Variants in SUFU observed in about 807,000 individuals in gnomAD.
SUFU encodes the protein SUFU negative regulator of hedgehog signaling, also known as suppressor of fused homolog.
In SUFU, 7 loss-of-function variants were observed where a neutral mutation model predicts 58.9. The observed-to-expected ratio is 0.12, with a 90% CI of 0.07 to 0.22. SUFU has a LOEUF of 0.22. Among genes scored for constraint, SUFU ranks in the 10% least tolerant of loss-of-function variants. SUFU has a pLI of 1.00. For synonymous variants in SUFU, 232 were observed against 254.8 expected (o/e 0.91, Z 0.85); for missense variants, 451 against 641.3 (o/e 0.70, Z 3.20).
At position 102,577,767 on chromosome 10, in the gene SUFU, G is replaced by A. The variant is rs191644107; in HGVS notation, c.455-14815G>A. Among the ~76,000 whole-genome samples, 433 of 145,312 alleles carry A rather than the reference G, an allele frequency of 3.0e-3. 4 individuals carry two copies. The highest frequency in any genetic ancestry group is 0.01 in the African/African-American group (416 of 39,684). ...ACGATCCCGGCTCACTGCAAGCTCC[G>A]CCTCCCGGATTCACGCCATTCTCCT... is the stretch of plus-strand genomic sequence containing the variant. On this transcript the variant is annotated intron_variant, in intron 3 of 11. Transcript: ENST00000369902.
At chr10:102,612,148 A>G (rs1465377084) in intron 8 of SUFU, among the ~76,000 whole-genome samples, 1 of 151,836 alleles carries the variant, frequency 6.6e-6, no homozygotes, top group Non-Finnish European at 1.5e-5. Context: ...AGAAGAAACA[A>G]ATCAGCAGAA....
At chr10:102,588,937 T>A (rs35879747) in intron 3 of SUFU, among the ~76,000 whole-genome samples, 26,701 of 152,190 alleles carry the variant, frequency 0.18, 2,941 homozygotes, top group Middle Eastern at 0.28. Flanking sequence ...TTATTTATTT[T>A]TTTGAGACAC....
At position 102,599,267 on chromosome 10, in the gene SUFU, G is replaced by A. The variant is rs1465630928; in HGVS notation, c.911-166G>A. Reference sequence around the variant, plus strand: ...TTCTTAAGAGCGCGGTTGTCCCCTCGCAATCTGTACTCACTCAGCGCTTAC... The same window carrying A: ...TTCTTAAGAGCGCGGTTGTCCCCTCACAATCTGTACTCACTCAGCGCTTAC... On this transcript the variant is annotated intron_variant, in intron 7 of 11. Transcript: ENST00000369902. Among the ~76,000 whole-genome samples, 5 of 152,164 alleles carry A rather than the reference G, an allele frequency of 3.3e-5. No homozygotes were observed. In the East Asian group the frequency reaches 7.7e-4, roughly 23 times the overall value.
At chr10:102,567,220 C>G (rs909085756) in intron 3 of SUFU, among the ~76,000 whole-genome samples, 3 of 151,538 alleles carry the variant, frequency 2.0e-5, no homozygotes, top group African/African-American at 7.3e-5. Context: ...ACTGTGTTAG[C>G]CAGGAGGGTC....
intron 7 of SUFU, among the ~76,000 whole-genome samples, chr10:102,598,403 G>A (rs1399444887): frequency 5.3e-5 from 8 of 152,090 alleles, no homozygotes; most frequent in Non-Finnish European, 8.8e-5. Flanking sequence ...CAATCCACCC[G>A]CCTCAGCCTC....
At chr10:102,611,373 A>G (rs1403414689) in intron 8 of SUFU, among the ~76,000 whole-genome samples, 1 of 152,170 alleles carries the variant, frequency 6.6e-6, no homozygotes, top group Non-Finnish European at 1.5e-5. Flanking sequence ...CCCTCAGTAG[A>G]GCAAAGGCCT....
At chr10:102,531,932 C>T (rs1277334997) in intron 2 of SUFU, among the ~76,000 whole-genome samples, 2 of 151,438 alleles carry the variant, frequency 1.3e-5, no homozygotes, top group Non-Finnish European at 1.5e-5. Flanking sequence ...CCTCACTCTC[C>T]TCCCTTCTGC....
intron 2 of SUFU, among the ~76,000 whole-genome samples, chr10:102,519,620 T>A (rs769961726): frequency 2.6e-5 from 4 of 152,034 alleles, no homozygotes; most frequent in African/African-American, 4.8e-5. Flanking sequence ...CATAAAAATT[T>A]CTGGCTTAGA....
At position 102,559,468 on chromosome 10, in the gene SUFU, C is replaced by T. The variant is rs74632089; in HGVS notation, c.454+9362C>T. On this transcript the variant is annotated intron_variant, in intron 3 of 11. Coordinates refer to ENST00000369902, the MANE Select transcript of SUFU (RefSeq NM_016169.4). ...GAAGAGAATGTTCCAGTCACGAGGA[C>T]AGGATGGCTGTCATTTCACCTGCTA... Among the ~76,000 whole-genome samples the T allele has an allele frequency of 4.1e-4, 62 of 152,320 alleles. 2 individuals carry two copies. The East Asian group carries it at 9.8e-3, about 24-fold the overall frequency.
intron 3 of SUFU, among the ~76,000 whole-genome samples, chr10:102,582,498 G>A (rs530517915): frequency 6.6e-6 from 1 of 152,232 alleles, no homozygotes; most frequent in South Asian, 2.1e-4. Flanking sequence ...ATGTCAGGGA[G>A]GTGGGGGTGG....
At chr10:102,561,375 G>C (rs1307791103) in intron 3 of SUFU, among the ~76,000 whole-genome samples, 1 of 151,940 alleles carries the variant, frequency 6.6e-6, no homozygotes, top group Non-Finnish European at 1.5e-5. Flanking sequence ...GTTTTTGTTT[G>C]TGTGTTTTGT....
intron 2 of SUFU, among the ~76,000 whole-genome samples, chr10:102,538,643 A>G (rs1026920321): frequency 6.7e-6 from 1 of 149,380 alleles, no homozygotes; most frequent in Non-Finnish European, 1.5e-5. Flanking sequence ...ACACACACAC[A>G]TGTATGCAGC....
At chr10:102,542,567 G>A (rs1293187831) in intron 2 of SUFU, among the ~76,000 whole-genome samples, 2 of 151,572 alleles carry the variant, frequency 1.3e-5, no homozygotes, top group Non-Finnish European at 2.9e-5. Context: ...CAGCCACCAT[G>A]CCTGGCTCCT....
intron 3 of SUFU, among the ~76,000 whole-genome samples, chr10:102,568,945 T>TACACAC (rs1564685843): frequency 1.3e-5 from 1 of 74,670 alleles, no homozygotes; most frequent in African/African-American, 5.0e-5. Context: ...TATATATATA[T>TACACAC]ATATATATAT....
chr10:102,508,719 C>T (rs952904607), intron 1 of SUFU, among the ~76,000 whole-genome samples: 1 of 152,186 alleles, frequency 6.6e-6, no homozygotes, highest in Non-Finnish European at 1.5e-5. Flanking sequence ...TGGAGTGGAG[C>T]AGAGCCTCTG....
intron 1 of SUFU, among the ~76,000 whole-genome samples, chr10:102,505,850 A>G (rs987638962): frequency 2.6e-5 from 4 of 152,012 alleles, no homozygotes; most frequent in African/African-American, 9.7e-5. Flanking sequence ...ACCCATTCTC[A>G]TTGTGCCTTT....
chr10:102,619,569 C>A lies in SUFU; in HGVS notation c.1296+2141C>A, dbSNP rs2063722680. On this transcript the variant is annotated intron_variant, in intron 10 of 11. Transcript: ENST00000369902. The surrounding 1 kb of genome is among the most constrained non-coding windows in gnomAD (Gnocchi z 4.2). Reference sequence around the variant, plus strand: ...AGGCCCCACACCCCAAGCACCCACCCTTGATCACCGAGGGGTTTCTCAGGC... The same window carrying A: ...AGGCCCCACACCCCAAGCACCCACCATTGATCACCGAGGGGTTTCTCAGGC... 1 of 964,302 alleles carries A rather than the reference C, an allele frequency of 1.0e-6. No individual in the cohort carries two copies. The highest frequency in any genetic ancestry group is 1.3e-6 in the Non-Finnish European group (1 of 786,986). The allele number at this position is 964,302 out of a possible 1,614,324, so 59.7% of individuals were successfully genotyped here. A position where few individuals can be genotyped will look rare whatever the true frequency, so the allele number is the denominator to read the frequency against.
At chr10:102,571,046 G>A (rs895236274) in intron 3 of SUFU, among the ~76,000 whole-genome samples, 19 of 152,158 alleles carry the variant, frequency 1.2e-4, no homozygotes, top group African/African-American at 4.6e-4. Flanking sequence ...TTTGGTAGGT[G>A]AAAAAACAGA....
chr10:102,506,910 C>G (rs1046543488), intron 1 of SUFU, among the ~76,000 whole-genome samples: 1 of 152,102 alleles, frequency 6.6e-6, no homozygotes, highest in Non-Finnish European at 1.5e-5. Flanking sequence ...AAAGCTGAGA[C>G]TTTGGTGAGC....
Sources: gnomAD v4.1 joint callset for allele counts (sites outside exome capture counted in the v4.1 genomes callset) on GRCh38, gnomAD v4.1.1 for gene constraint, Gnocchi (gnomAD v3.1) non-coding constraint, MANE v1.5 for transcripts, NCBI Gene and HGNC (gene_info 2026-07-23, HGNC 2026-07-21) for gene names.